Variants in GNAO1 observed in about 807,000 individuals in gnomAD.
GNAO1 encodes the protein guanine nucleotide-binding protein G(o) subunit alpha.
For synonymous variants in GNAO1, 164 were observed against 180.7 expected, an observed-to-expected ratio of 0.91 and a Z score of 0.74; for missense variants, 166 against 478.7, an observed-to-expected ratio of 0.35 and a Z score of 6.10.
intron 2 of GNAO1, among the ~76,000 whole-genome samples, chr16:56,271,730 G>A (rs1414346290): frequency 6.6e-6 from 1 of 152,222 alleles, no homozygotes; most frequent in East Asian, 1.9e-4. Flanking sequence ...TGGGATTACA[G>A]GCATGAGCCA....
At chr16:56,349,037 G>A (rs1176238842) in intron 6 of GNAO1, among the ~76,000 whole-genome samples, 1 of 152,208 alleles carries the variant, frequency 6.6e-6, no homozygotes, top group Non-Finnish European at 1.5e-5. Context: ...CCTGCACACA[G>A]ATGCCAGGCA....
chr16:56,277,117 G>C (rs770805485), intron 3 of GNAO1: 8 of 152,182 alleles, frequency 5.3e-5, no homozygotes, highest in Non-Finnish European at 1.0e-4. Context: ...TAATTCCATG[G>C]GGCAGAGTCA....
At chr16:56,232,948 C>A (rs1275649877) in intron 2 of GNAO1, among the ~76,000 whole-genome samples, 7 of 152,168 alleles carry the variant, frequency 4.6e-5, no homozygotes, top group Non-Finnish European at 7.3e-5. Flanking sequence ...ATAAAACATG[C>A]CCCTTACTCA....
intron 2 of GNAO1, among the ~76,000 whole-genome samples, chr16:56,203,201 T>C (rs1384157305): frequency 6.6e-6 from 1 of 152,038 alleles, no homozygotes; most frequent in Non-Finnish European, 1.5e-5. Flanking sequence ...CGAGCTTTAC[T>C]CATCACAGGC....
At chr16:56,278,186 G>A (rs1430007011) in intron 3 of GNAO1, among the ~76,000 whole-genome samples, 1 of 152,206 alleles carries the variant, frequency 6.6e-6, no homozygotes, top group African/African-American at 2.4e-5. Flanking sequence ...TGGAAGGAGA[G>A]ACTGAGAGCT....
chr16:56,257,327 A>G (rs1211028505), intron 2 of GNAO1, among the ~76,000 whole-genome samples: 1 of 152,206 alleles, frequency 6.6e-6, no homozygotes, highest in Non-Finnish European at 1.5e-5. Flanking sequence ...TTGCCAACCA[A>G]TGCAGAAGGT....
intron 2 of GNAO1, among the ~76,000 whole-genome samples, chr16:56,224,426 C>T (rs1229251943): frequency 1.3e-5 from 2 of 152,178 alleles, no homozygotes; most frequent in Non-Finnish European, 2.9e-5. Flanking sequence ...CATGTTAATA[C>T]CTTCTGCTCT....
At chr16:56,278,493 CAGA>C (rs1567466701) in intron 3 of GNAO1, among the ~76,000 whole-genome samples, 1 of 152,094 alleles carries the variant, frequency 6.6e-6, no homozygotes, top group Non-Finnish European at 1.5e-5. Context: ...TGGAGCTGGG[CAGA>C]AGAGAGTGGA....
intron 4 of GNAO1, 70 bp downstream of exon 4, chr16:56,328,861 G>C: frequency 6.7e-7 from 1 of 1,500,836 alleles, no homozygotes; most frequent in South Asian, 1.2e-5. Context: ...CTGGTGATGG[G>C]GATTGGCAGA....
chr16:56,257,518 G>A (rs990837200), intron 2 of GNAO1, among the ~76,000 whole-genome samples: 1 of 151,876 alleles, frequency 6.6e-6, no homozygotes, highest in Non-Finnish European at 1.5e-5. Flanking sequence ...GCTGTGTAGA[G>A]CCTTCTGGCT....
At chr16:56,206,161 A>G (rs1422275807) in intron 2 of GNAO1, among the ~76,000 whole-genome samples, 1 of 152,108 alleles carries the variant, frequency 6.6e-6, no homozygotes, top group Non-Finnish European at 1.5e-5. Context: ...TTTACAAAAA[A>G]TACAAAACAT....
chr16:56,318,712 A>G (rs2037539941), intron 3 of GNAO1, among the ~76,000 whole-genome samples: 1 of 152,218 alleles, frequency 6.6e-6, no homozygotes, highest in South Asian at 2.1e-4. Flanking sequence ...TATAATTACT[A>G]TGATTATTGT....
chr16:56,315,930 G>A (rs1418319467), intron 3 of GNAO1, among the ~76,000 whole-genome samples: 3 of 152,022 alleles, frequency 2.0e-5, no homozygotes, highest in Non-Finnish European at 4.4e-5. Flanking sequence ...ATGGTGGCGG[G>A]CACCTGTAAT....
chr16:56,285,264 A>T (rs779505923), intron 3 of GNAO1, among the ~76,000 whole-genome samples: 5 of 111,912 alleles, frequency 4.5e-5, no homozygotes, highest in Non-Finnish European at 9.1e-5. Context: ...CCCCACCGCC[A>T]CCATAAGCCC....
chr16:56,235,416 G>A (rs1036787379), intron 2 of GNAO1: 4 of 455,884 alleles, frequency 8.8e-6, no homozygotes, highest in African/African-American at 4.0e-5. Context: ...GAAGGCCGGC[G>A]GGACACTACG....
intron 3 of GNAO1, among the ~76,000 whole-genome samples, chr16:56,317,396 G>T (rs1178567237): frequency 6.6e-6 from 1 of 152,194 alleles, no homozygotes; most frequent in Admixed American, 6.5e-5. Flanking sequence ...TTTGTCAAAT[G>T]TTAAAGTCCT....
Position 56,328,879 on chromosome 16 carries a change from G to A in GNAO1, c.464+88G>A. The A allele has an allele frequency of 2.1e-6, 3 of 1,397,914 alleles. No homozygotes were observed. In the Admixed American group the frequency reaches 5.4e-5, roughly 25 times the overall value. 86.6% of individuals were successfully genotyped at this position (1,397,914 alleles called of 1,614,324 possible). Reference sequence around the variant, plus strand: ...GTGATGGGGATTGGCAGAGCAAGGAGGATTCTCGGCTGAGGTCACGCCTGC... The same window carrying A: ...GTGATGGGGATTGGCAGAGCAAGGAAGATTCTCGGCTGAGGTCACGCCTGC... On this transcript the variant is annotated intron_variant, in intron 4 of 8. Transcript: ENST00000262493.
rs537502110 is a variant in GNAO1 at position 56,229,692 on chromosome 16, G to A, written c.161+37076G>A. ...TTTAATCTTCACAATAACCCATTGA[G>A]ATTAAGTTTCATTGTCTCCATTTCA... On this transcript the variant is annotated intron_variant, in intron 2 of 8. Transcript: ENST00000262493. 7.9e-4 allele frequency among the ~76,000 whole-genome samples: 120 copies of A among 152,286 alleles called. 2 individuals are homozygous for A. Among genetic ancestry groups the A allele is most frequent in the African/African-American group, 2.6e-3 (107 of 41,562 alleles).
intron 2 of GNAO1, among the ~76,000 whole-genome samples, chr16:56,227,168 CAAG>C (rs1243813132): frequency 7.9e-5 from 12 of 152,062 alleles, no homozygotes; most frequent in South Asian, 2.1e-4. Context: ...TTAAAGAAAA[CAAG>C]AAGAAGAAGA....
Sources: allele counts gnomAD v4.1 joint callset (sites outside exome capture counted in the v4.1 genomes callset), GRCh38; gene constraint gnomAD v4.1.1; transcripts MANE v1.5; gene names NCBI Gene and HGNC (gene_info 2026-07-23, HGNC 2026-07-21).